RAC3: variants seen among roughly 807,000 people sequenced by gnomAD.
RAC3 encodes Rac family small GTPase 3.
In RAC3, 9 loss-of-function variants were observed where a neutral mutation model predicts 19.0. That is an observed-to-expected ratio of 0.47 (90% CI 0.29 to 0.83). The LOEUF (loss-of-function observed/expected upper bound fraction) is 0.83, where lower values mean the gene tolerates loss of function less well. Among genes scored for constraint, RAC3 ranks in the 40% least tolerant of loss-of-function variants. The pLI, the probability that RAC3 is intolerant of heterozygous loss-of-function variation, is 0.09. For missense variants in RAC3, 203 were observed against 260.8 expected (o/e 0.78, Z 1.53); for synonymous variants, 146 against 111.8 (o/e 1.31, Z -1.93).
intron 1 of RAC3, chr17:82,032,057 C>A: frequency 3.6e-6 from 1 of 274,088 alleles, no homozygotes; most frequent in Non-Finnish European, 6.8e-6. Context: ...GGCCGCCGCC[C>A]TGTCCTCCCA....
intron 1 of RAC3, chr17:82,032,044 C>CG (rs2043435853): frequency 4.2e-6 from 1 of 237,710 alleles, no homozygotes; most frequent in African/African-American, 2.3e-5. Context: ...GCGGGCGAGG[C>CG]GGGGCCGCCG....
chr17:82,032,925 C>G (rs1400255045), intron 3 of RAC3, 22 bp from the exon 4 acceptor site: 1 of 1,613,126 alleles, frequency 6.2e-7, no homozygotes, highest in South Asian at 1.1e-5. Context: ...ACCACTCCAC[C>G]AGGTCCCACC....
chr17:82,032,597 G>A, intron 2 of RAC3, 114 bp from the exon 3 acceptor site: 2 of 1,434,078 alleles, frequency 1.4e-6, no homozygotes, highest in African/African-American at 1.4e-5. Flanking sequence ...GAGCTGAGGT[G>A]CTGGCCAGAG....
In RAC3 at chr17:82,033,657, C is replaced by G; in HGVS notation, c.449-42C>G. 1.2e-6 allele frequency: 2 copies of G among 1,605,386 alleles called. No individual in the cohort carries two copies. Among genetic ancestry groups the G allele is most frequent in the South Asian group, 1.1e-5 (1 of 90,600 alleles). ...GTGGGGAGGCGCAGTAAGGGCCTCC[C>G]TGTACCCCACCCTCACTGTCTCCCC... On this transcript the variant is annotated intron_variant, in intron 5 of 5. Transcript: ENST00000306897. This position sits in a 1 kb window ranked among gnomAD's most constrained non-coding sequence, Gnocchi z 6.2.
In RAC3 at chr17:82,034,164, AG is replaced by A. The variant is rs2043462721; in HGVS notation, c.*336del. On this transcript the variant is annotated 3_prime_UTR_variant, in exon 6 of 6. Transcript: ENST00000306897. ...TGTTCCTTGTGCCCCGAGGTGGGGC[AG>A]CCCCTTCTCATTTTATACAATAAAC... is the stretch of plus-strand genomic sequence containing the variant. 1 of 245,732 alleles carries A rather than the reference AG, an allele frequency of 4.1e-6. No homozygotes were observed. Among genetic ancestry groups the A allele is most frequent in the African/African-American group, 2.3e-5 (1 of 44,310 alleles). The allele number at this position is 245,732 out of a possible 1,614,324, so 15.2% of individuals were successfully genotyped here. A position where few individuals can be genotyped will look rare whatever the true frequency, so the allele number is the denominator to read the frequency against.
Position 82,032,163 on chromosome 17 carries a change from C to T in RAC3, c.36-224C>T, listed in dbSNP as rs553430967. On this transcript the variant is annotated intron_variant, in intron 1 of 5. Transcript: ENST00000306897. Reference sequence around the variant, plus strand: ...GGAGTCGGGGCCTCTGCCTGGGGCCCCAGTGTGGGGCGCCCTGCGCCCTTA... The same window carrying T: ...GGAGTCGGGGCCTCTGCCTGGGGCCTCAGTGTGGGGCGCCCTGCGCCCTTA... The T allele has an allele frequency of 3.6e-4, 207 of 570,680 alleles. 1 individual carries two copies. The South Asian group carries it at 4.2e-3, about 12-fold the overall frequency. 35.4% of individuals were successfully genotyped at this position (570,680 alleles called of 1,614,324 possible). A position where few individuals can be genotyped will look rare whatever the true frequency, so the allele number is the denominator to read the frequency against.
At position 82,033,711 on chromosome 17, in the gene RAC3, A is replaced by T. The variant is rs1469734603; in HGVS notation, c.461A>T (p.Tyr154Phe). 10 of 1,612,632 alleles carry T rather than the reference A, an allele frequency of 6.2e-6. No homozygotes were observed. The highest frequency in any genetic ancestry group is 8.5e-6 in the Non-Finnish European group (10 of 1,179,678). Residue 154 changes from tyrosine (Y) to phenylalanine (F), a missense_variant, in exon 6 of 6, where the codon TAC becomes TTC. By Grantham distance (22) the Tyr-to-Phe change is conservative. Coordinates refer to ENST00000306897, the MANE Select transcript of RAC3 (RefSeq NM_005052.3). This position sits in a 1 kb window ranked among gnomAD's most constrained non-coding sequence, Gnocchi z 6.2. ...TCACTGCCGCTAGGCTCTGTGAAAT[A>T]CCTGGAGTGCTCAGCCCTGACCCAG... Reference protein sequence around the residue: ...AMAREIGSVKYLECSALTQRG... With the variant: ...AMAREIGSVKFLECSALTQRG...
At chr17:82,032,912 C>G (rs2043445718) in intron 3 of RAC3, 35 bp from the exon 4 acceptor site, 1 of 1,611,404 alleles carries the variant, frequency 6.2e-7, no homozygotes, top group Admixed American at 1.7e-5. Flanking sequence ...TGGGGAGCCC[C>G]TGACCACTCC....
At position 82,032,579 on chromosome 17, in the gene RAC3, C is replaced by T. The variant is rs569891023; in HGVS notation, c.107+121C>T. The T allele has an allele frequency of 6.3e-5, 92 of 1,449,782 alleles. No homozygotes were observed. In the African/African-American group the frequency reaches 1.1e-3, roughly 17 times the overall value. 89.8% of individuals were successfully genotyped at this position (1,449,782 alleles called of 1,614,324 possible). On this transcript the variant is annotated intron_variant, in intron 2 of 5. Transcript: ENST00000306897. ...CTCAGGTGGCCCTGTCTCTGGGCTT[C>T]CCGGCTGGAGCTGAGGTGCTGGCCA...
rs2043449858 is a variant in RAC3 at position 82,033,194 on chromosome 17, G to A, written c.288+185G>A. 4.6e-5 allele frequency among the ~76,000 whole-genome samples: 7 copies of A among 152,318 alleles called. No homozygotes were observed. The South Asian group carries it at 1.4e-3, about 32-fold the overall frequency. On this transcript the variant is annotated intron_variant, in intron 4 of 5. Coordinates refer to ENST00000306897, the MANE Select transcript of RAC3 (RefSeq NM_005052.3). This position sits in a 1 kb window ranked among gnomAD's most constrained non-coding sequence, Gnocchi z 6.2. Reference sequence around the variant, plus strand: ...GTGGTCACAGCTCTCAGAATGGAGGGTTCTGAGGGCTCTGGCTGCTGGGGA... The same window carrying A: ...GTGGTCACAGCTCTCAGAATGGAGGATTCTGAGGGCTCTGGCTGCTGGGGA...
chr17:82,032,729 C>T lies in RAC3; in HGVS notation c.126C>T (p.Ala42=). The change falls in exon 3 of 6, where the codon GCC becomes GCT. Residue 42 remains alanine (A), a synonymous_variant. Transcript: ENST00000306897. ...TCTGCAGTTTTGACAACTACTCTGC[C>T]AACGTGATGGTGGACGGGAAACCAG... The part of the protein sequence containing the change: ...YIPTVFDNYS[A]NVMVDGKPVN... The T allele has an allele frequency of 6.2e-7, 1 of 1,613,086 alleles. No homozygotes were observed. The highest frequency in any genetic ancestry group is 1.1e-5 in the South Asian group (1 of 91,086).
At position 82,031,766 on chromosome 17, in the gene RAC3, A is replaced by G; in HGVS notation, c.5A>G (p.Gln2Arg). The G allele has an allele frequency of 1.0e-6, 1 of 988,386 alleles. No homozygotes were observed. The highest frequency in any genetic ancestry group is 4.4e-5 in the South Asian group (1 of 22,780). The allele number at this position is 988,386 out of a possible 1,614,324, so 61.2% of individuals were successfully genotyped here. ...GCCGCCGCCCGGCCCGCGCCCATGC[A>G]GGCCATCAAGTGCGTGGTGGTCGGC... M[Q>R]AIKCVVVGDG... Residue 2 changes from glutamine (Q) to arginine (R), a missense_variant, in exon 1 of 6, where the codon CAG (glutamine) becomes CGG (arginine). This residue lies in a region of RAC3 where 49 missense variants were observed against 67.4 expected (regional missense o/e 0.73). Transcript: ENST00000306897.
At chr17:82,032,872 G>T in intron 3 of RAC3, 44 bp downstream of exon 3, 1 of 1,610,646 alleles carries the variant, frequency 6.2e-7, no homozygotes, top group Non-Finnish European at 8.5e-7. Context: ...GGGGGTCCCT[G>T]AGATCCGCAC....
In RAC3 at chr17:82,033,801, A is replaced by G. The variant is rs2043456624; in HGVS notation, c.551A>G (p.Lys184Arg). The change falls in exon 6 of 6, where the codon AAG (lysine) becomes AGG (arginine). Residue 184 changes from lysine (K) to arginine (R), a missense_variant. By Grantham distance (26) the Lys-to-Arg change is conservative (BLOSUM62 2). Around this residue, in one of 3 missense-constraint regions of RAC3, gnomAD observed 142 missense variants for 158.2 expected, o/e 0.90. Transcript: ENST00000306897. This position sits in a 1 kb window ranked among gnomAD's most constrained non-coding sequence, Gnocchi z 6.2. ...RAVLCPPPVKKPGKKCTVF is the reference protein window; with the variant it reads ...RAVLCPPPVKRPGKKCTVF ...GTGCTCTGCCCGCCCCCAGTGAAGA[A>G]GCCGGGGAAGAAGTGCACCGTCTTC... 6.2e-7 allele frequency: 1 copy of G among 1,609,198 alleles called. No homozygotes were observed. Among genetic ancestry groups the G allele is most frequent in the Admixed American group, 1.7e-5 (1 of 59,488 alleles).
chr17:82,032,609 T>C, intron 2 of RAC3, 102 bp from the exon 3 acceptor site: 1 of 1,444,132 alleles, frequency 6.9e-7, no homozygotes, highest in Non-Finnish European at 9.7e-7. Flanking sequence ...TGGCCAGAGT[T>C]CTAGTTCTGT....
At position 82,033,930 on chromosome 17, in the gene RAC3, C is replaced by G; in HGVS notation, c.*101C>G. On this transcript the variant is annotated 3_prime_UTR_variant, in exon 6 of 6. Coordinates refer to ENST00000306897, the MANE Select transcript of RAC3 (RefSeq NM_005052.3). The surrounding 1 kb of genome is among the most constrained non-coding windows in gnomAD (Gnocchi z 6.2). ...GTGTCCCTGAGTCGGCTGTGGGGAGCGGTGGGGGTGGGCCGGGGGGAAGCA... is the reference window on the plus strand; with the variant it reads ...GTGTCCCTGAGTCGGCTGTGGGGAGGGGTGGGGGTGGGCCGGGGGGAAGCA... 205 of 1,031,520 alleles carry G rather than the reference C, an allele frequency of 2.0e-4. No individual in the cohort carries two copies. Among genetic ancestry groups the G allele is most frequent in the East Asian group, 4.7e-4 (11 of 23,370 alleles). The allele number at this position is 1,031,520 out of a possible 1,614,324, so 63.9% of individuals were successfully genotyped here.
At chr17:82,032,101 C>G (rs994906918) in intron 1 of RAC3, 1 of 474,528 alleles carries the variant, frequency 2.1e-6, no homozygotes, top group African/African-American at 2.0e-5. Context: ...CTGGGCTGAA[C>G]CCTCAGCCGG....
Position 82,033,985 on chromosome 17 carries a change from T to G in RAC3, c.*156T>G. Reference sequence around the variant, plus strand: ...GATGAGGCTGGGTGGCAGGATCCTGTCCTCTCTGCCGCCTCATTCTGGGGT... The same window carrying G: ...GATGAGGCTGGGTGGCAGGATCCTGGCCTCTCTGCCGCCTCATTCTGGGGT... On this transcript the variant is annotated 3_prime_UTR_variant, in exon 6 of 6. Coordinates refer to ENST00000306897, the MANE Select transcript of RAC3 (RefSeq NM_005052.3). The surrounding 1 kb of genome is among the most constrained non-coding windows in gnomAD (Gnocchi z 6.2). The G allele has an allele frequency of 1.0e-6, 1 of 1,000,140 alleles. No homozygotes were observed. The highest frequency in any genetic ancestry group is 1.4e-6 in the Non-Finnish European group (1 of 703,526). 62.0% of individuals were successfully genotyped at this position (1,000,140 alleles called of 1,614,324 possible).
At position 82,033,684 on chromosome 17, in the gene RAC3, C is replaced by T. The variant is rs1369291846; in HGVS notation, c.449-15C>T. 3 of 1,610,674 alleles carry T rather than the reference C, an allele frequency of 1.9e-6. No homozygotes were observed. The highest frequency in any genetic ancestry group is 2.2e-5 in the East Asian group (1 of 44,776). ...GTACCCCACCCTCACTGTCTCCCCTCCTCACTGCCGCTAGGCTCTGTGAAA... is the reference window on the plus strand; with the variant it reads ...GTACCCCACCCTCACTGTCTCCCCTTCTCACTGCCGCTAGGCTCTGTGAAA... On this transcript the variant is annotated splice_polypyrimidine_tract_variant and intron_variant, in intron 5 of 5. Coordinates refer to ENST00000306897, the MANE Select transcript of RAC3 (RefSeq NM_005052.3). This position sits in a 1 kb window ranked among gnomAD's most constrained non-coding sequence, Gnocchi z 6.2.
Sources: gnomAD v4.1 joint callset for allele counts (sites outside exome capture counted in the v4.1 genomes callset) on GRCh38, gnomAD v4.1.1 for gene constraint, gnomAD v4.1.1 regional missense constraint, Gnocchi (gnomAD v3.1) non-coding constraint, MANE v1.5 for transcripts, NCBI Gene and HGNC (gene_info 2026-07-23, HGNC 2026-07-21) for gene names.